Variants in ALG13 observed in about 807,000 individuals in gnomAD.
ALG13 encodes ALG13 UDP-N-acetylglucosaminyltransferase subunit, also known as UDP-N-acetylglucosamine transferase subunit ALG13.
Under a neutral mutation model 87.8 loss-of-function variants are expected in ALG13, and 11 were observed. The ratio of observed to expected loss-of-function variants is 0.13; its 90% CI spans 0.08 to 0.21. ALG13 has a LOEUF of 0.21. Ranked by LOEUF, ALG13 falls within the 10% of genes least tolerant of loss-of-function variation. The probability of loss-of-function intolerance (pLI) is 1.00; values close to 1 mark genes in which losing one functional copy is unlikely to be tolerated. For missense variants in ALG13, 756 were observed against 866.1 expected (o/e 0.87, Z 1.60); for synonymous variants, 320 against 306.3 (o/e 1.04, Z -0.47).
rs148079987 is a variant in ALG13 at position 111,691,000 on chromosome X, G to A, written c.383+5897G>A. ...TAGTCTGAGAAATGACACATGGACA[G>A]ATCATTTGAAATTAATTTTGGGGAA... On this transcript the variant is annotated intron_variant, in intron 3 of 26. Transcript: ENST00000394780. 1.2e-3 allele frequency among the ~76,000 whole-genome samples: 133 copies of A among 111,689 alleles called. 1 individual carries two copies. In the East Asian group the frequency reaches 0.027, roughly 23 times the overall value.
At chrX:111,710,842 G>A (rs1381313488) in intron 5 of ALG13, among the ~76,000 whole-genome samples, 6 of 111,002 alleles carry the variant, frequency 5.4e-5, no homozygotes, top group African/African-American at 2.0e-4. Flanking sequence ...GACTACAGGT[G>A]CCCGCCACCA....
chrX:111,703,200 A>ATCATCATCATCC (rs1569514600), intron 3 of ALG13, among the ~76,000 whole-genome samples: 1 of 109,862 alleles, frequency 9.1e-6, no homozygotes, highest in Non-Finnish European at 1.9e-5. Flanking sequence ...CATCATCATC[A>ATCATCATCATCC]TCATCATCAT....
chrX:111,681,317 G>A lies in ALG13; in HGVS notation c.81+18G>A, dbSNP rs1170312484. ...GTCTGCAAGTGAGTGAGGGAGGCGA[G>A]CAGGCGGCGGCTTGGCTCGCCACCC... On this transcript the variant is annotated intron_variant, in intron 1 of 26. Coordinates refer to ENST00000394780, the MANE Select transcript of ALG13 (RefSeq NM_001099922.3). 1.7e-6 allele frequency: 2 copies of A among 1,208,963 alleles called. No homozygotes were observed. Among genetic ancestry groups the A allele is most frequent in the East Asian group, 3.0e-5 (1 of 33,698 alleles).
chrX:111,700,880 C>T lies in ALG13; in HGVS notation c.384-7147C>T, dbSNP rs371131799. Among the ~76,000 whole-genome samples, 8 of 108,495 alleles carry T rather than the reference C, an allele frequency of 7.4e-5. No individual in the cohort carries two copies. In the East Asian group the frequency reaches 1.8e-3, roughly 24 times the overall value. The allele number at this position is 108,495 out of a possible 115,157, so 94.2% of individuals were successfully genotyped here. A position where few individuals can be genotyped will look rare whatever the true frequency, so the allele number is the denominator to read the frequency against. On this transcript the variant is annotated intron_variant, in intron 3 of 26. Coordinates refer to ENST00000394780, the MANE Select transcript of ALG13 (RefSeq NM_001099922.3). ...TGCTGGGATTACAGGTGTGAGCCAC[C>T]GTGCCCGGCCAAGAGTGTTTTTGTT...
intron 23 of ALG13, among the ~76,000 whole-genome samples, chrX:111,740,691 G>A (rs1005306527): frequency 1.2e-4 from 13 of 110,967 alleles, no homozygotes; most frequent in Admixed American, 1.2e-3. Context: ...CCATCACAAA[G>A]AGAGATTCCC....
chrX:111,723,112 T>G (rs759797495), intron 13 of ALG13, among the ~76,000 whole-genome samples: 31 of 109,295 alleles, frequency 2.8e-4, no homozygotes, highest in African/African-American at 9.9e-4. Flanking sequence ...CATACCACCA[T>G]GCCTGGCTAA....
intron 3 of ALG13, among the ~76,000 whole-genome samples, chrX:111,698,772 C>CT (rs1317964151): frequency 8.9e-6 from 1 of 111,877 alleles, no homozygotes; most frequent in Admixed American, 9.6e-5. Context: ...CTGATGGACA[C>CT]TTAGGTTGTT....
Position 111,711,735 on chromosome X carries a change from A to C in ALG13, c.885+10A>C. ...GTTGGGAGATCCCAAGGTAAGATCAAATATGGGGGTTTAATCTTTTCAGAG... is the reference window on the plus strand; with the variant it reads ...GTTGGGAGATCCCAAGGTAAGATCACATATGGGGGTTTAATCTTTTCAGAG... On this transcript the variant is annotated intron_variant, in intron 6 of 26. Coordinates refer to ENST00000394780, the MANE Select transcript of ALG13 (RefSeq NM_001099922.3). 1 of 1,196,034 alleles carries C rather than the reference A, an allele frequency of 8.4e-7. No homozygotes were observed. Among genetic ancestry groups the C allele is most frequent in the South Asian group, 1.8e-5 (1 of 55,493 alleles).
intron 3 of ALG13, chrX:111,688,218 C>G: frequency 1.3e-6 from 1 of 785,109 alleles, no homozygotes; most frequent in Non-Finnish European, 1.5e-6. Context: ...TTCTAATCTT[C>G]AGTATGTAGT....
chrX:111,750,018 G>A (rs749427167), intron 24 of ALG13, among the ~76,000 whole-genome samples: 1 of 111,626 alleles, frequency 9.0e-6, no homozygotes, highest in East Asian at 2.8e-4. Context: ...GTAGATTAAA[G>A]TTCAACAGAC....
intron 24 of ALG13, among the ~76,000 whole-genome samples, chrX:111,750,679 A>C (rs1944651763): frequency 1.9e-5 from 2 of 108,056 alleles, no homozygotes; most frequent in Non-Finnish European, 3.8e-5. Flanking sequence ...TTATTTATTT[A>C]TTTATTTTGA....
In ALG13 at chrX:111,681,986, T is replaced by C. The variant is rs894201854; in HGVS notation, c.82-146T>C. 2.7e-5 allele frequency: 24 copies of C among 880,611 alleles called. No homozygotes were observed. The African/African-American group carries it at 5.0e-4, about 18-fold the overall frequency. The allele number at this position is 880,611 out of a possible 1,213,427, so 72.6% of individuals were successfully genotyped here. On this transcript the variant is annotated intron_variant, in intron 1 of 26. Transcript: ENST00000394780. ...TCGGGCCCCGGACCAGAAAATAGTT[T>C]TGAAAACTAAGTGAAATCGGCCACA...
chrX:111,754,694 A>G (rs750744047), intron 25 of ALG13, among the ~76,000 whole-genome samples: 1 of 111,683 alleles, frequency 9.0e-6, no homozygotes, highest in African/African-American at 3.3e-5. Flanking sequence ...AGAGAATAAA[A>G]TACCTAGGAA....
chrX:111,681,533 T>C, intron 1 of ALG13: 2 of 976,279 alleles, frequency 2.0e-6, no homozygotes, highest in Non-Finnish European at 2.7e-6. Context: ...CGGCCGCTCC[T>C]CTCCCTCATT....
chrX:111,707,853 G>C (rs1939052279), intron 3 of ALG13, among the ~76,000 whole-genome samples, 174 bp from the exon 4 acceptor site: 2 of 111,879 alleles, frequency 1.8e-5, no homozygotes, highest in African/African-American at 3.3e-5. Flanking sequence ...TAGACCCAAA[G>C]CTCAGCTGCT....
At chrX:111,719,355 G>T (rs1367358983) in intron 10 of ALG13, among the ~76,000 whole-genome samples, 1 of 111,493 alleles carries the variant, frequency 9.0e-6, no homozygotes, top group Non-Finnish European at 1.9e-5. Flanking sequence ...ATTTGGGACT[G>T]CCAGGAGTGG....
At chrX:111,715,475 T>A (rs1220232607) in intron 8 of ALG13, among the ~76,000 whole-genome samples, 1 of 112,043 alleles carries the variant, frequency 8.9e-6, no homozygotes, top group African/African-American at 3.2e-5. Flanking sequence ...CCCAGCACTT[T>A]GGGAGGTCGA....
chrX:111,730,790 A>G (rs1296354906), intron 21 of ALG13, among the ~76,000 whole-genome samples: 1 of 112,344 alleles, frequency 8.9e-6, no homozygotes, highest in Non-Finnish European at 1.9e-5. Flanking sequence ...ATGATCTTTT[A>G]GAAGGTTTTA....
At chrX:111,755,622 A>G (rs753121924) in intron 25 of ALG13, among the ~76,000 whole-genome samples, 23 of 112,807 alleles carry the variant, frequency 2.0e-4, no homozygotes, top group Middle Eastern at 4.6e-3. Context: ...AAGAATATGA[A>G]CAGACACTTT....
Sources: allele counts gnomAD v4.1 joint callset (sites outside exome capture counted in the v4.1 genomes callset), GRCh38; gene constraint gnomAD v4.1.1; transcripts MANE v1.5; gene names NCBI Gene and HGNC (gene_info 2026-07-23, HGNC 2026-07-21).